Variants in KIRREL3 observed in about 807,000 individuals in gnomAD.
KIRREL3 encodes the protein kirre like nephrin family adhesion molecule 3.
In KIRREL3, 36 loss-of-function variants were observed where a neutral mutation model predicts 89.7. The observed-to-expected ratio is 0.40, with a 90% confidence interval of 0.31 to 0.53. The LOEUF is 0.53. Ranked by LOEUF, KIRREL3 falls within the 20% of genes least tolerant of loss-of-function variation. The pLI, the probability that KIRREL3 is intolerant of heterozygous loss-of-function variation, is 0.49. For missense variants in KIRREL3, 864 were observed against 1,056.6 expected (o/e 0.82, Z 2.53); for synonymous variants, 445 against 441.4 (o/e 1.01, Z -0.10).
At position 126,523,424 on chromosome 11, in the gene KIRREL3, C is replaced by G. The variant is rs1423211191; in HGVS notation, c.284-1960G>C. 6.6e-6 allele frequency among the ~76,000 whole-genome samples: 1 copy of G among 152,172 alleles called. No individual in the cohort carries two copies. Among genetic ancestry groups the G allele is most frequent in the African/African-American group, 2.4e-5 (1 of 41,434 alleles). On this transcript the variant is annotated intron_variant, in intron 3 of 16. Coordinates refer to ENST00000525144, the MANE Select transcript of KIRREL3 (RefSeq NM_032531.4). The surrounding 1 kb of genome is among the most constrained non-coding windows in gnomAD (Gnocchi z 4.9). ...GGTAGCTGTGATGATCCTCTGCCAGCCTTCCTGGCATGCTCTGGAGTGCTT... is the reference window on the plus strand; with the variant it reads ...GGTAGCTGTGATGATCCTCTGCCAGGCTTCCTGGCATGCTCTGGAGTGCTT...
At chr11:126,654,934 G>A (rs1945069770) in intron 1 of KIRREL3, among the ~76,000 whole-genome samples, 3 of 152,184 alleles carry the variant, frequency 2.0e-5, no homozygotes, top group Admixed American at 2.0e-4. Flanking sequence ...ATTCACCCCA[G>A]AGGCCGCTCC....
rs1324575492 is a variant in KIRREL3 at position 126,883,986 on chromosome 11, A to G, written c.55+116469T>C. On this transcript the variant is annotated intron_variant, in intron 1 of 16. Coordinates refer to ENST00000525144, the MANE Select transcript of KIRREL3 (RefSeq NM_032531.4). The surrounding 1 kb of genome is among the most constrained non-coding windows in gnomAD (Gnocchi z 4.1). ...CCTGTTCCTGCAGGTATTAAAGTGG[A>G]GGGTGACTGGCCACCCGGGGAGATT... is the stretch of plus-strand genomic sequence containing the variant. 6.6e-6 allele frequency among the ~76,000 whole-genome samples: 1 copy of G among 152,210 alleles called. No individual in the cohort carries two copies. Among genetic ancestry groups the G allele is most frequent in the Non-Finnish European group, 1.5e-5 (1 of 68,036 alleles).
intron 1 of KIRREL3, among the ~76,000 whole-genome samples, chr11:126,829,912 G>A (rs900001065): frequency 7.2e-5 from 11 of 152,318 alleles, no homozygotes; most frequent in Admixed American, 2.0e-4. Context: ...AGGCTGTTGG[G>A]AGGGAGTGAG....
rs770969889 is a variant in KIRREL3, at chr11:126,568,561, A to G, written c.56-5649T>C. Reference sequence around the variant, plus strand: ...GGAGACACCAGCTGGGTTTGGTTGGACTCACAGGGAGGCCACATGGGGCAG... The same window carrying G: ...GGAGACACCAGCTGGGTTTGGTTGGGCTCACAGGGAGGCCACATGGGGCAG... On this transcript the variant is annotated intron_variant, in intron 1 of 16. Transcript: ENST00000525144. This position sits in a 1 kb window ranked among gnomAD's most constrained non-coding sequence, Gnocchi z 4.6. Among the ~76,000 whole-genome samples the G allele has an allele frequency of 2.6e-5, 4 of 152,124 alleles. No homozygotes were observed. The highest frequency in any genetic ancestry group is 4.8e-5 in the African/African-American group (2 of 41,424).
chr11:126,818,575 C>T (rs1951657971), intron 1 of KIRREL3, among the ~76,000 whole-genome samples: 1 of 150,806 alleles, frequency 6.6e-6, no homozygotes. Flanking sequence ...TTCCTCTTTA[C>T]TATGTATGCT....
Position 126,837,338 on chromosome 11 carries a change from G to A in KIRREL3, c.55+163117C>T, listed in dbSNP as rs1480106661. 6.6e-6 allele frequency among the ~76,000 whole-genome samples: 1 copy of A among 152,100 alleles called. No homozygotes were observed. The highest frequency in any genetic ancestry group is 2.4e-5 in the African/African-American group (1 of 41,398). Reference sequence around the variant, plus strand: ...ATTAATCTCCTTTCTTTTTCCTTGAGTACAAAGAAGAAAATTATCAAATAT... The same window carrying A: ...ATTAATCTCCTTTCTTTTTCCTTGAATACAAAGAAGAAAATTATCAAATAT... On this transcript the variant is annotated intron_variant, in intron 1 of 16. Coordinates refer to ENST00000525144, the MANE Select transcript of KIRREL3 (RefSeq NM_032531.4). This position sits in a 1 kb window ranked among gnomAD's most constrained non-coding sequence, Gnocchi z 4.7.
chr11:126,585,043 G>C (rs1389076913), intron 1 of KIRREL3, among the ~76,000 whole-genome samples: 1 of 150,494 alleles, frequency 6.6e-6, no homozygotes, highest in East Asian at 2.0e-4. Context: ...CTCAGCCTCC[G>C]GAGCAGCTGG....
intron 13 of KIRREL3, among the ~76,000 whole-genome samples, 173 bp downstream of exon 13, chr11:126,435,095 G>C (rs1309328739): frequency 6.6e-6 from 1 of 152,052 alleles, no homozygotes; most frequent in Non-Finnish European, 1.5e-5. Context: ...GCCCAAGCTG[G>C]CTGGGACCTC....
At chr11:126,858,442 T>A (rs1592234781) in intron 1 of KIRREL3, among the ~76,000 whole-genome samples, 1 of 152,186 alleles carries the variant, frequency 6.6e-6, no homozygotes, top group Non-Finnish European at 1.5e-5. Flanking sequence ...TGCCATTGGG[T>A]GCTGTCTGTC....
Position 126,896,918 on chromosome 11 carries a change from T to C in KIRREL3, c.55+103537A>G, listed in dbSNP as rs1341912953. On this transcript the variant is annotated intron_variant, in intron 1 of 16. Coordinates refer to ENST00000525144, the MANE Select transcript of KIRREL3 (RefSeq NM_032531.4). The surrounding 1 kb of genome is among the most constrained non-coding windows in gnomAD (Gnocchi z 4.1). ...ATCTTAACAGGCATTGCCATTTCTTTTGCTTGATATTTCTGGCTCCTTTCT... is the reference window on the plus strand; with the variant it reads ...ATCTTAACAGGCATTGCCATTTCTTCTGCTTGATATTTCTGGCTCCTTTCT... 2.6e-5 allele frequency among the ~76,000 whole-genome samples: 4 copies of C among 152,132 alleles called. No homozygotes were observed. The highest frequency in any genetic ancestry group is 4.4e-5 in the Non-Finnish European group (3 of 68,030).
At chr11:126,714,845 C>T (rs935534570) in intron 1 of KIRREL3, among the ~76,000 whole-genome samples, 8 of 152,132 alleles carry the variant, frequency 5.3e-5, no homozygotes, top group Admixed American at 3.9e-4. Flanking sequence ...GTGGGATATC[C>T]CTGAGCTGCC....
intron 11 of KIRREL3, among the ~76,000 whole-genome samples, chr11:126,439,094 G>T (rs1477688404): frequency 6.6e-6 from 1 of 152,202 alleles, no homozygotes; most frequent in Non-Finnish European, 1.5e-5. Context: ...TTGAGTACAA[G>T]ACTCTGCCCC....
At position 126,496,698 on chromosome 11, in the gene KIRREL3, C is replaced by G. The variant is rs1052539649; in HGVS notation, c.434-23232G>C. 6.6e-6 allele frequency among the ~76,000 whole-genome samples: 1 copy of G among 151,970 alleles called. No individual in the cohort carries two copies. The highest frequency in any genetic ancestry group is 6.6e-5 in the Admixed American group (1 of 15,252). On this transcript the variant is annotated intron_variant, in intron 4 of 16. Coordinates refer to ENST00000525144, the MANE Select transcript of KIRREL3 (RefSeq NM_032531.4). The surrounding 1 kb of genome is among the most constrained non-coding windows in gnomAD (Gnocchi z 4.9). ...GCTACTCTTGGCTTCTTGTATCTGC[C>G]AAAACCCAAACAGAAGCGCTCAGAA...
rs1043051560 is a variant in KIRREL3, at chr11:126,734,188, A to G, written c.56-171276T>C. Among the ~76,000 whole-genome samples the G allele has an allele frequency of 6.6e-6, 1 of 152,230 alleles. No homozygotes were observed. The highest frequency in any genetic ancestry group is 2.4e-5 in the African/African-American group (1 of 41,458). On this transcript the variant is annotated intron_variant, in intron 1 of 16. Transcript: ENST00000525144. The surrounding 1 kb of genome is among the most constrained non-coding windows in gnomAD (Gnocchi z 5.9). ...AAATCAATTAGTGGATGTAAAGAAA[A>G]TAGGCATTTCACGGCTGTTCTCTCC... is the stretch of plus-strand genomic sequence containing the variant.
rs1958721634 is a variant in KIRREL3, at chr11:126,525,488, C to T, written c.283+1050G>A. Among the ~76,000 whole-genome samples, 1 of 152,312 alleles carries T rather than the reference C, an allele frequency of 6.6e-6. No homozygotes were observed. Among genetic ancestry groups the T allele is most frequent in the African/African-American group, 2.4e-5 (1 of 41,566 alleles). On this transcript the variant is annotated intron_variant, in intron 3 of 16. Transcript: ENST00000525144. The surrounding 1 kb of genome is among the most constrained non-coding windows in gnomAD (Gnocchi z 5.4). Reference sequence around the variant, plus strand: ...ACCTCGTGCCTGCTATTGACCATTGCTATAATGTTTCAATATACATTTTTG... The same window carrying T: ...ACCTCGTGCCTGCTATTGACCATTGTTATAATGTTTCAATATACATTTTTG...
chr11:126,856,555 G>GTATATATA lies in KIRREL3; in HGVS notation c.55+143892_55+143899dup, dbSNP rs36218965. Among the ~76,000 whole-genome samples, 280 of 136,644 alleles carry GTATATATA rather than the reference G, an allele frequency of 2.0e-3. 2 individuals are homozygous for GTATATATA. Among genetic ancestry groups the GTATATATA allele is most frequent in the Non-Finnish European group, 3.0e-3 (192 of 63,990 alleles). 89.6% of individuals were successfully genotyped at this position (136,644 alleles called of 152,430 possible). On this transcript the variant is annotated intron_variant, in intron 1 of 16. Transcript: ENST00000525144. Reference sequence around the variant, plus strand: ...GTATTTTCTGATAACATTTTTCTAAGTATATATATATATATATATATATAT... The same window carrying GTATATATA: ...GTATTTTCTGATAACATTTTTCTAAGTATATATATATATATATATATATATATATATAT...
intron 1 of KIRREL3, among the ~76,000 whole-genome samples, chr11:126,961,179 T>C (rs1177039738): frequency 2.6e-5 from 4 of 152,162 alleles, no homozygotes; most frequent in African/African-American, 9.7e-5. Context: ...CTTCTAAGTG[T>C]TCAAGTGAAA....
chr11:126,435,310 G>A lies in KIRREL3; in HGVS notation c.1553-7C>T, dbSNP rs763372640. 6.2e-7 allele frequency: 1 copy of A among 1,613,538 alleles called. No individual in the cohort carries two copies. Among genetic ancestry groups the A allele is most frequent in the Non-Finnish European group, 8.5e-7 (1 of 1,179,696 alleles). Reference sequence around the variant, plus strand: ...CCCGACTTCATTTCCGAACCTGTTTGGAAATAAAGCAAGCGTCTACAGCCA... The same window carrying A: ...CCCGACTTCATTTCCGAACCTGTTTAGAAATAAAGCAAGCGTCTACAGCCA... On this transcript the variant is annotated splice_polypyrimidine_tract_variant and splice_region_variant and intron_variant, in intron 12 of 16. Transcript: ENST00000525144.
rs1944075714 is a variant in KIRREL3, at chr11:126,844,526, A to C, written c.55+155929T>G. Among the ~76,000 whole-genome samples, 1 of 152,082 alleles carries C rather than the reference A, an allele frequency of 6.6e-6. No individual in the cohort carries two copies. The highest frequency in any genetic ancestry group is 2.4e-5 in the African/African-American group (1 of 41,420). ...TGGGATTGGGTTAGGGGCCCAACTTAGGGCAGTTGGAGTCTCTCCTAAGAC... is the reference window on the plus strand; with the variant it reads ...TGGGATTGGGTTAGGGGCCCAACTTCGGGCAGTTGGAGTCTCTCCTAAGAC... On this transcript the variant is annotated intron_variant, in intron 1 of 16. Coordinates refer to ENST00000525144, the MANE Select transcript of KIRREL3 (RefSeq NM_032531.4). The surrounding 1 kb of genome is among the most constrained non-coding windows in gnomAD (Gnocchi z 4.8).
Sources: gnomAD v4.1 joint callset for allele counts (sites outside exome capture counted in the v4.1 genomes callset) on GRCh38, gnomAD v4.1.1 for gene constraint, Gnocchi (gnomAD v3.1) non-coding constraint, MANE v1.5 for transcripts, NCBI Gene and HGNC (gene_info 2026-07-23, HGNC 2026-07-21) for gene names.